The following NR3C2 variants were observed in gnomAD, a reference collection of about 807,000 sequenced individuals.
NR3C2 encodes mineralocorticoid receptor.
NR3C2 carries 15 observed loss-of-function variants against 86.4 expected under a neutral mutation model. The observed-to-expected ratio is 0.17, with a 90% CI of 0.12 to 0.27. NR3C2 has a LOEUF of 0.27. Ranked by LOEUF, NR3C2 falls within the 10% of genes least tolerant of loss-of-function variation. The pLI, the probability that NR3C2 is intolerant of heterozygous loss-of-function variation, is 1.00. For missense variants in NR3C2, 960 were observed against 1,195.6 expected, an observed-to-expected ratio of 0.80 and a Z score of 2.91; for synonymous variants, 458 against 450.5, an observed-to-expected ratio of 1.02 and a Z score of -0.21.
At chr4:148,412,867 A>T (rs1748779097) in intron 2 of NR3C2, among the ~76,000 whole-genome samples, 1 of 152,088 alleles carries the variant, frequency 6.6e-6, no homozygotes, top group African/African-American at 2.4e-5. Flanking sequence ...TCATCCCAAA[A>T]GGATGACTGA....
intron 6 of NR3C2, among the ~76,000 whole-genome samples, chr4:148,138,987 G>A (rs553575363): frequency 2.0e-5 from 3 of 152,058 alleles, no homozygotes; most frequent in Non-Finnish European, 4.4e-5. Context: ...GAGATGATGC[G>A]GCAGGAAGGT....
intron 2 of NR3C2, among the ~76,000 whole-genome samples, chr4:148,395,218 T>C (rs929660476): frequency 2.6e-5 from 4 of 152,188 alleles, no homozygotes; most frequent in African/African-American, 4.8e-5. Context: ...TTAATTAGTA[T>C]GTATAAACTC....
chr4:148,095,617 T>C (rs1244023553), intron 8 of NR3C2, among the ~76,000 whole-genome samples: 1 of 152,190 alleles, frequency 6.6e-6, no homozygotes, highest in Non-Finnish European at 1.5e-5. Context: ...AGCAGCTAAA[T>C]GCTAGGCACG....
chr4:148,283,640 T>C (rs537401778), intron 2 of NR3C2, among the ~76,000 whole-genome samples: 6 of 152,332 alleles, frequency 3.9e-5, no homozygotes, highest in African/African-American at 9.6e-5. Context: ...CATAGTTCAG[T>C]TGGCAAAAGG....
At chr4:148,271,878 C>T (rs1211929477) in intron 2 of NR3C2, among the ~76,000 whole-genome samples, 1 of 152,162 alleles carries the variant, frequency 6.6e-6, no homozygotes, top group African/African-American at 2.4e-5. Context: ...CTAGCTCATT[C>T]ATTAGCTAAC....
chr4:148,284,611 T>C (rs1741423942), intron 2 of NR3C2, among the ~76,000 whole-genome samples: 1 of 152,190 alleles, frequency 6.6e-6, no homozygotes, highest in Non-Finnish European at 1.5e-5. Flanking sequence ...GAATCTCAGT[T>C]AGAGCCTTCT....
chr4:148,389,050 A>G (rs1356809218), intron 2 of NR3C2, among the ~76,000 whole-genome samples: 1 of 152,242 alleles, frequency 6.6e-6, no homozygotes, highest in Non-Finnish European at 1.5e-5. Flanking sequence ...TTATACCTCA[A>G]TTAACTCAAT....
At chr4:148,321,323 G>A (rs1743571015) in intron 2 of NR3C2, among the ~76,000 whole-genome samples, 1 of 134,092 alleles carries the variant, frequency 7.5e-6, no homozygotes, top group African/African-American at 3.1e-5. Flanking sequence ...TGGAATAGGT[G>A]TGGTGTGGTG....
At chr4:148,314,532 G>A (rs1249176804) in intron 2 of NR3C2, among the ~76,000 whole-genome samples, 3 of 152,008 alleles carry the variant, frequency 2.0e-5, no homozygotes, top group Non-Finnish European at 4.4e-5. Flanking sequence ...AATGAAAATT[G>A]AGTAAGTGAA....
At chr4:148,299,375 C>G (rs185502620) in intron 2 of NR3C2, among the ~76,000 whole-genome samples, 1 of 152,284 alleles carries the variant, frequency 6.6e-6, no homozygotes, top group East Asian at 1.9e-4. Context: ...CCCTGTCGCT[C>G]TGGGGGGTTA....
At chr4:148,229,664 G>C (rs1045800433) in intron 3 of NR3C2, among the ~76,000 whole-genome samples, 2 of 152,154 alleles carry the variant, frequency 1.3e-5, no homozygotes, top group Admixed American at 6.5e-5. Flanking sequence ...GTGATAGCCA[G>C]GTCTCCCAGT....
At chr4:148,130,837 T>G (rs1424689915) in intron 6 of NR3C2, among the ~76,000 whole-genome samples, 76 of 140,248 alleles carry the variant, frequency 5.4e-4, no homozygotes, top group African/African-American at 2.0e-3. Flanking sequence ...TTTTTTTTTT[T>G]TTTTGAGACA....
intron 2 of NR3C2, among the ~76,000 whole-genome samples, chr4:148,299,367 C>T (rs1421013688): frequency 6.6e-6 from 1 of 152,186 alleles, no homozygotes; most frequent in Non-Finnish European, 1.5e-5. Context: ...ATCCCCAACC[C>T]TGTCGCTCTG....
intron 3 of NR3C2, among the ~76,000 whole-genome samples, chr4:148,198,900 G>A (rs923763480): frequency 6.6e-6 from 1 of 151,510 alleles, no homozygotes; most frequent in African/African-American, 2.4e-5. Flanking sequence ...CTAACACGGT[G>A]ACACCCCATC....
At chr4:148,156,915 A>T (rs889011929) in intron 4 of NR3C2, among the ~76,000 whole-genome samples, 2 of 152,018 alleles carry the variant, frequency 1.3e-5, no homozygotes, top group African/African-American at 2.4e-5. Context: ...CAAATGTCCA[A>T]CAATGATAGA....
chr4:148,103,622 G>A (rs555392018), intron 8 of NR3C2, among the ~76,000 whole-genome samples: 5 of 152,304 alleles, frequency 3.3e-5, no homozygotes, highest in Admixed American at 2.0e-4. Flanking sequence ...TTTCCAACAA[G>A]TTTGAGAGAA....
At chr4:148,364,129 T>C (rs1466713012) in intron 2 of NR3C2, among the ~76,000 whole-genome samples, 2 of 152,204 alleles carry the variant, frequency 1.3e-5, no homozygotes, top group East Asian at 1.9e-4. Flanking sequence ...CTATATAAGA[T>C]TGTAATGAAA....
Position 148,081,148 on chromosome 4 carries a change from A to T in NR3C2, c.*196T>A. The T allele has an allele frequency of 1.5e-6, 1 of 679,106 alleles. No individual in the cohort carries two copies. The highest frequency in any genetic ancestry group is 1.8e-5 in the South Asian group (1 of 56,214). 42.1% of individuals were successfully genotyped at this position (679,106 alleles called of 1,614,324 possible). A position where few individuals can be genotyped will look rare whatever the true frequency, so the allele number is the denominator to read the frequency against. ...GGGGATTGGAGGTGGGGAATCCTTC[A>T]GACTGCTCTGGTCTCGCCAAATCCA... On this transcript the variant is annotated 3_prime_UTR_variant, in exon 9 of 9. Coordinates refer to ENST00000358102, the MANE Select transcript of NR3C2 (RefSeq NM_000901.5).
chr4:148,442,985 G>A (rs765718888), upstream of NR3C2: 183 of 985,060 alleles, frequency 1.9e-4, no homozygotes, highest in Non-Finnish European at 2.1e-4. Flanking sequence ...AGACCCTGGC[G>A]CCGCCCAACA....
Sources: gnomAD v4.1 joint callset for allele counts (sites outside exome capture counted in the v4.1 genomes callset) on GRCh38, gnomAD v4.1.1 for gene constraint, MANE v1.5 for transcripts, NCBI Gene and HGNC (gene_info 2026-07-23, HGNC 2026-07-21) for gene names.